The following TSPAN16 variants were observed in gnomAD, a reference collection of about 807,000 sequenced individuals.
The protein encoded by TSPAN16 is tetraspanin-16.
A neutral mutation model predicts 25.2 loss-of-function variants in TSPAN16; 23 were observed. That is an observed-to-expected ratio of 0.91 (90% confidence interval 0.66 to 1.29). The LOEUF is 1.29. Among genes scored for constraint, TSPAN16 ranks in the 50% most tolerant of loss-of-function variants. The pLI, the probability that TSPAN16 is intolerant of heterozygous loss-of-function variation, is 0.00. For missense variants in TSPAN16, 272 were observed against 299.9 expected (o/e 0.91, Z 0.69); for synonymous variants, 123 against 124.4 (o/e 0.99, Z 0.08).
intron 1 of TSPAN16, among the ~76,000 whole-genome samples, chr19:11,296,639 C>T (rs94517): frequency 0.41 from 62,490 of 152,060 alleles, 14,743 homozygotes; most frequent in African/African-American, 0.66. Context: ...ATCCTGTAGC[C>T]GACCAAGTTG....
chr19:11,318,095 C>T (rs1462362453), downstream of TSPAN16, among the ~76,000 whole-genome samples: 1 of 151,856 alleles, frequency 6.6e-6, no homozygotes, highest in Non-Finnish European at 1.5e-5. Flanking sequence ...GGCGCGATCT[C>T]GGCTCACTGC....
In TSPAN16 at chr19:11,304,357, C is replaced by G. The variant is rs543041410; in HGVS notation, c.451-2247C>G. 9.8e-4 allele frequency among the ~76,000 whole-genome samples: 148 copies of G among 151,232 alleles called. 2 individuals carry two copies. Among genetic ancestry groups the G allele is most frequent in the African/African-American group, 3.4e-3 (139 of 40,766 alleles). ...TGATAGGGAACAATTTATTTATGTA[C>G]TTAAGACAGAGTCGTACTCCCAAAA... On this transcript the variant is annotated intron_variant, in intron 4 of 6. Coordinates refer to ENST00000590327, the MANE Select transcript of TSPAN16 (RefSeq NM_001282509.2).
intron 4 of TSPAN16, among the ~76,000 whole-genome samples, chr19:11,306,105 TA>T (rs1481737749): frequency 6.6e-6 from 1 of 151,760 alleles, no homozygotes; most frequent in African/African-American, 2.4e-5. Flanking sequence ...CTGTCTCTAC[TA>T]AAAATACAAA....
In TSPAN16 at chr19:11,296,320, A is replaced by T; in HGVS notation, c.23A>T (p.Tyr8Phe). The T allele has an allele frequency of 6.2e-7, 1 of 1,614,188 alleles. No homozygotes were observed. Among genetic ancestry groups the T allele is most frequent in the East Asian group, 2.2e-5 (1 of 44,886 alleles). Reference sequence around the variant, plus strand: ...AGCATGGCTGAAATCCACACTCCGTATTCTTCCTTGAAGAAACTGTTATCT... The same window carrying T: ...AGCATGGCTGAAATCCACACTCCGTTTTCTTCCTTGAAGAAACTGTTATCT... MAEIHTP[Y>F]SSLKKLLSLL... Residue 8 changes from tyrosine to phenylalanine, a missense_variant, in exon 1 of 7, where the codon TAT becomes TTT. By Grantham distance (22) the Tyr-to-Phe change is conservative. Coordinates refer to ENST00000590327, the MANE Select transcript of TSPAN16 (RefSeq NM_001282509.2).
At chr19:11,309,507 GCCTGGAGTGC>G (rs1200403786) in intron 5 of TSPAN16, among the ~76,000 whole-genome samples, 1 of 152,234 alleles carries the variant, frequency 6.6e-6, no homozygotes, top group Admixed American at 6.5e-5. Context: ...CTTTCCCTCT[GCCTGGAGTGC>G]TCTTCCTTCA....
rs889767320 is a variant in TSPAN16 at position 11,296,201 on chromosome 19, C to T, written c.-97C>T. On this transcript the variant is annotated 5_prime_UTR_variant, in exon 1 of 7. Coordinates refer to ENST00000590327, the MANE Select transcript of TSPAN16 (RefSeq NM_001282509.2). Reference sequence around the variant, plus strand: ...GAGGGGCAGAGCAAGTCAGCATTGGCGCCCCTTCCTCAGATCCCTATCATC... The same window carrying T: ...GAGGGGCAGAGCAAGTCAGCATTGGTGCCCCTTCCTCAGATCCCTATCATC... 6.6e-5 allele frequency: 87 copies of T among 1,308,376 alleles called. No individual in the cohort carries two copies. In the African/African-American group the frequency reaches 1.1e-3, roughly 16 times the overall value. 81.0% of individuals were successfully genotyped at this position (1,308,376 alleles called of 1,614,324 possible). A position where few individuals can be genotyped will look rare whatever the true frequency, so the allele number is the denominator to read the frequency against.
intron 5 of TSPAN16, among the ~76,000 whole-genome samples, chr19:11,308,360 G>A (rs192466328): frequency 7.9e-5 from 12 of 152,178 alleles, no homozygotes; most frequent in Non-Finnish European, 1.6e-4. Context: ...GTGCAGTGGC[G>A]CAATCTCGAC....
chr19:11,301,171 G>A (rs1276108087), intron 3 of TSPAN16, 30 bp from the exon 4 acceptor site: 1 of 1,586,930 alleles, frequency 6.3e-7, no homozygotes, highest in Non-Finnish European at 8.7e-7. Context: ...GCTAGTTGGG[G>A]TACTGATCAC....
chr19:11,320,141 G>A (rs1207142429), downstream of TSPAN16, among the ~76,000 whole-genome samples: 2 of 65,990 alleles, frequency 3.0e-5, no homozygotes, highest in Non-Finnish European at 2.8e-5. Context: ...TTTTTTTTGA[G>A]ACGGAGTTTC....
chr19:11,325,799 C>G (rs113924851), intron 6 of TSPAN16, among the ~76,000 whole-genome samples: 1 of 152,116 alleles, frequency 6.6e-6, no homozygotes, highest in African/African-American at 2.4e-5. Flanking sequence ...GCAGGCCAGG[C>G]GCAGGGGCTT....
chr19:11,307,966 TA>T (rs2147947842), intron 5 of TSPAN16: 1 of 152,270 alleles, frequency 6.6e-6, no homozygotes, highest in South Asian at 2.1e-4. Context: ...GGCACCACAC[TA>T]CCTGCCTTCT....
At chr19:11,305,160 A>G (rs1196357585) in intron 4 of TSPAN16, among the ~76,000 whole-genome samples, 2 of 152,100 alleles carry the variant, frequency 1.3e-5, no homozygotes, top group Non-Finnish European at 2.9e-5. Flanking sequence ...TCATTCATAC[A>G]GTCCTCCCAC....
rs1007581614 is a variant in TSPAN16 at position 11,314,189 on chromosome 19, C to T, written c.688-1602C>T. Among the ~76,000 whole-genome samples, 6 of 151,976 alleles carry T rather than the reference C, an allele frequency of 3.9e-5. No individual in the cohort carries two copies. In the East Asian group the frequency reaches 9.6e-4, roughly 24 times the overall value. ...AGTGATTGCCAGGGACCAGAGGGTA[C>T]GGGAAGAATGGGGAGTGACTGATAA... On this transcript the variant is annotated intron_variant, in intron 6 of 6. Transcript: ENST00000590327.
At chr19:11,306,336 G>A (rs532612616) in intron 4 of TSPAN16, among the ~76,000 whole-genome samples, 1 of 151,900 alleles carries the variant, frequency 6.6e-6, no homozygotes, top group Non-Finnish European at 1.5e-5. Context: ...TGGGAATACC[G>A]GCATCTGCCA....
intron 6 of TSPAN16, chr19:11,323,297 A>T (rs1369629519): frequency 6.6e-6 from 1 of 152,192 alleles, no homozygotes; most frequent in Non-Finnish European, 1.5e-5. Context: ...ATTTGTTGGT[A>T]TAAAAGATAC....
At chr19:11,318,709 C>CGATCTCA (rs2080761555), downstream of TSPAN16, among the ~76,000 whole-genome samples, 1 of 151,876 alleles carries the variant, frequency 6.6e-6, no homozygotes, top group African/African-American at 2.4e-5. Flanking sequence ...TGCAGTGGCA[C>CGATCTCA]GATCTCAGCT....
downstream of TSPAN16, among the ~76,000 whole-genome samples, chr19:11,318,173 C>T (rs1043584269): frequency 3.3e-5 from 5 of 151,874 alleles, no homozygotes; most frequent in Admixed American, 1.3e-4. Flanking sequence ...ACTACAGGCA[C>T]CCGCTACCAT....
chr19:11,298,822 G>A (rs1175308098), intron 2 of TSPAN16, 50 bp from the exon 3 acceptor site: 1 of 1,552,034 alleles, frequency 6.4e-7, no homozygotes, highest in Non-Finnish European at 8.8e-7. Flanking sequence ...TATAAGGTCG[G>A]GAGGAGGCTG....
chr19:11,298,225 C>T lies in TSPAN16; in HGVS notation c.153C>T (p.Ser51=), dbSNP rs752784020. Residue 51 remains serine (S), a synonymous_variant, in exon 2 of 7, where the codon TCC becomes TCT. Transcript: ENST00000590327. Reference sequence around the variant, plus strand: ...TGACGAATGTCCTCGGGCTGTCCTCCGCATACCTCCTTCACGTTGGCAACC... The same window carrying T: ...TGACGAATGTCCTCGGGCTGTCCTCTGCATACCTCCTTCACGTTGGCAACC... ...ASLTNVLGLS[S]AYLLHVGNLC... 4.9e-5 allele frequency: 79 copies of T among 1,614,152 alleles called. 1 individual carries two copies. The highest frequency in any genetic ancestry group is 1.7e-4 in the Middle Eastern group (1 of 6,058).
Sources: allele counts gnomAD v4.1 joint callset (sites outside exome capture counted in the v4.1 genomes callset), GRCh38; gene constraint gnomAD v4.1.1; transcripts MANE v1.5; gene names NCBI Gene and HGNC (gene_info 2026-07-23, HGNC 2026-07-21).